Variants in EPHA3 observed in about 807,000 individuals in gnomAD.
EPHA3 encodes the protein ephrin type-A receptor 3.
Under a neutral mutation model 107.1 loss-of-function variants are expected in EPHA3, and 42 were observed. The ratio of observed to expected loss-of-function variants is 0.39; its 90% CI spans 0.31 to 0.51. The LOEUF (loss-of-function observed/expected upper bound fraction) is 0.51, where lower values mean the gene tolerates loss of function less well. Ranked by LOEUF, EPHA3 falls within the 20% of genes least tolerant of loss-of-function variation. The pLI is 0.78. For missense variants in EPHA3, 1,183 were observed against 1,211.2 expected, an observed-to-expected ratio of 0.98 and a Z score of 0.35; for synonymous variants, 461 against 424.8, an observed-to-expected ratio of 1.09 and a Z score of -1.05.
intron 13 of EPHA3, among the ~76,000 whole-genome samples, chr3:89,439,345 C>T (rs1219954265): frequency 1.3e-5 from 2 of 152,120 alleles, no homozygotes; most frequent in Admixed American, 6.5e-5. Context: ...TTAGTCCCAG[C>T]TACTCAGGAG....
intron 5 of EPHA3, among the ~76,000 whole-genome samples, chr3:89,395,010 A>G (rs1708819561): frequency 6.6e-6 from 1 of 152,224 alleles, no homozygotes; most frequent in African/African-American, 2.4e-5. Flanking sequence ...ATCACTTAAA[A>G]TATTTTTAAT....
chr3:89,177,296 T>A (rs1035369781), intron 2 of EPHA3, among the ~76,000 whole-genome samples: 1 of 152,208 alleles, frequency 6.6e-6, no homozygotes, highest in African/African-American at 2.4e-5. Context: ...CTGGGTGTTG[T>A]GCATGCCTTG....
chr3:89,373,279 A>G (rs1181817480), intron 5 of EPHA3, among the ~76,000 whole-genome samples: 1 of 151,856 alleles, frequency 6.6e-6, no homozygotes, highest in African/African-American at 2.4e-5. Flanking sequence ...TAAAGAAATT[A>G]TATTGCTAAT....
chr3:89,339,370 CAAAAAAAAAAAA>C (rs10575384), intron 3 of EPHA3, among the ~76,000 whole-genome samples: 111 of 106,604 alleles, frequency 1.0e-3, no homozygotes, highest in African/African-American at 3.2e-3. Context: ...GACTCCATCT[CAAAAAAAAAAAA>C]AAAAAAAAGA....
intron 5 of EPHA3, among the ~76,000 whole-genome samples, chr3:89,383,930 G>A (rs1434298218): frequency 6.6e-6 from 1 of 151,958 alleles, no homozygotes; most frequent in Non-Finnish European, 1.5e-5. Flanking sequence ...TTACAGGCGT[G>A]AGCCACCGCA....
chr3:89,307,472 CAA>C (rs1706651306), intron 3 of EPHA3, among the ~76,000 whole-genome samples: 1 of 152,136 alleles, frequency 6.6e-6, no homozygotes, highest in African/African-American at 2.4e-5. Flanking sequence ...TGGAAAAAGT[CAA>C]GAGGCTAACC....
intron 11 of EPHA3, among the ~76,000 whole-genome samples, chr3:89,426,238 G>A (rs188392984): frequency 1.2e-4 from 18 of 151,792 alleles, no homozygotes; most frequent in African/African-American, 3.9e-4. Flanking sequence ...GGCATAATGC[G>A]CAGATGAGCT....
intron 3 of EPHA3, among the ~76,000 whole-genome samples, chr3:89,284,800 G>A (rs1476954555): frequency 6.6e-6 from 1 of 151,908 alleles, no homozygotes; most frequent in African/African-American, 2.4e-5. Flanking sequence ...CTCCAACCAC[G>A]TTCTTCCACT....
intron 5 of EPHA3, among the ~76,000 whole-genome samples, chr3:89,393,531 A>C (rs1201780995): frequency 1.3e-5 from 2 of 152,208 alleles, no homozygotes; most frequent in Non-Finnish European, 2.9e-5. Flanking sequence ...CTAGGAAAAA[A>C]TGAAAGTTTC....
intron 3 of EPHA3, among the ~76,000 whole-genome samples, chr3:89,307,787 G>A (rs145412763): frequency 2.7e-4 from 41 of 152,188 alleles, no homozygotes; most frequent in East Asian, 3.9e-4. Context: ...TCCTGGGCTC[G>A]AATGATCTGC....
intron 3 of EPHA3, among the ~76,000 whole-genome samples, chr3:89,327,439 C>A (rs111629554): frequency 6.6e-6 from 1 of 152,042 alleles, no homozygotes; most frequent in South Asian, 2.1e-4. Flanking sequence ...TCAGATATAT[C>A]CCCACACTAT....
intron 2 of EPHA3, among the ~76,000 whole-genome samples, chr3:89,138,138 G>A (rs1704354756): frequency 1.3e-5 from 2 of 151,894 alleles, no homozygotes; most frequent in Admixed American, 1.3e-4. Flanking sequence ...ATACAGCACT[G>A]TGTATAATTC....
rs1334476981 is a variant in EPHA3 at position 89,481,400 on chromosome 3, T to C, written c.*1898T>C. ...TATAAAATTAATCACAAATTTCACT[T>C]ATACCTGCTATCAGCAGCTAGAAAA... On this transcript the variant is annotated 3_prime_UTR_variant, in exon 17 of 17. Coordinates refer to ENST00000336596, the MANE Select transcript of EPHA3 (RefSeq NM_005233.6). 2 of 232,184 alleles carry C rather than the reference T, an allele frequency of 8.6e-6. No individual in the cohort carries two copies. The highest frequency in any genetic ancestry group is 1.7e-5 in the Non-Finnish European group (2 of 117,480). 14.4% of individuals were successfully genotyped at this position (232,184 alleles called of 1,614,324 possible).
At chr3:89,427,390 A>C (rs1008488465) in intron 11 of EPHA3, among the ~76,000 whole-genome samples, 1 of 151,930 alleles carries the variant, frequency 6.6e-6, no homozygotes, top group African/African-American at 2.4e-5. Flanking sequence ...ATTTTCTAGC[A>C]TCAGAATGGC....
intron 1 of EPHA3, among the ~76,000 whole-genome samples, chr3:89,120,174 T>G (rs1426105849): frequency 1.3e-5 from 2 of 152,220 alleles, no homozygotes; most frequent in African/African-American, 4.8e-5. Flanking sequence ...TATGTTTTCA[T>G]TTTTCACTTT....
chr3:89,215,293 A>C, intron 3 of EPHA3, among the ~76,000 whole-genome samples: 1 of 152,044 alleles, frequency 6.6e-6, no homozygotes, highest in East Asian at 1.9e-4. Context: ...TGATCAAATT[A>C]TGTGAGTGCA....
chr3:89,219,686 A>ATT (rs1704304456), intron 3 of EPHA3, among the ~76,000 whole-genome samples: 1 of 38,854 alleles, frequency 2.6e-5, no homozygotes, highest in African/African-American at 6.1e-5. Flanking sequence ...GCATTTGGCA[A>ATT]TGTTTTTTTT....
chr3:89,350,049 A>T (rs1707771332), intron 5 of EPHA3, among the ~76,000 whole-genome samples: 1 of 149,824 alleles, frequency 6.7e-6, no homozygotes. Context: ...TGCCCTTAAC[A>T]TTTTTTCCTT....
At chr3:89,301,736 A>T (rs1270070694) in intron 3 of EPHA3, among the ~76,000 whole-genome samples, 1 of 152,116 alleles carries the variant, frequency 6.6e-6, no homozygotes, top group Non-Finnish European at 1.5e-5. Context: ...ACAAAATTGC[A>T]TGAATGGAAA....
Sources: gnomAD v4.1 joint callset for allele counts (sites outside exome capture counted in the v4.1 genomes callset) on GRCh38, gnomAD v4.1.1 for gene constraint, MANE v1.5 for transcripts, NCBI Gene and HGNC (gene_info 2026-07-23, HGNC 2026-07-21) for gene names.